Variants in CACNA1B observed in about 807,000 individuals in gnomAD.
CACNA1B encodes voltage-dependent N-type calcium channel subunit alpha-1B.
A neutral mutation model predicts 247.2 loss-of-function variants in CACNA1B; 70 were observed. The ratio of observed to expected loss-of-function variants is 0.28; its 90% CI spans 0.23 to 0.35. The LOEUF (loss-of-function observed/expected upper bound fraction) is 0.35, where lower values mean the gene tolerates loss of function less well. Ranked by LOEUF, CACNA1B falls within the 10% of genes least tolerant of loss-of-function variation. CACNA1B has a pLI of 1.00. For missense variants in CACNA1B, 2,367 were observed against 3,197.4 expected, an observed-to-expected ratio of 0.74 and a Z score of 6.26; for synonymous variants, 1,231 against 1,294.4, an observed-to-expected ratio of 0.95 and a Z score of 1.05.
chr9:138,076,546 C>A (rs746035524), intron 35 of CACNA1B, among the ~76,000 whole-genome samples: 1 of 152,218 alleles, frequency 6.6e-6, no homozygotes, highest in Non-Finnish European at 1.5e-5. Context: ...GCACAAGCTT[C>A]GGGGCCTTCT....
intron 10 of CACNA1B, among the ~76,000 whole-genome samples, chr9:137,968,330 A>G (rs376903510): frequency 6.6e-6 from 1 of 152,350 alleles, no homozygotes; most frequent in Non-Finnish European, 1.5e-5. Flanking sequence ...AGGCTTGCCC[A>G]TAACCCGTGT....
chr9:138,085,354 T>A (rs909407465), intron 36 of CACNA1B, among the ~76,000 whole-genome samples: 3 of 150,742 alleles, frequency 2.0e-5, no homozygotes, highest in Non-Finnish European at 4.4e-5. Flanking sequence ...AAAGAAATAA[T>A]TAAAAAGAGT....
chr9:137,920,266 G>C (rs2133287674), intron 6 of CACNA1B, among the ~76,000 whole-genome samples: 1 of 152,150 alleles, frequency 6.6e-6, no homozygotes, highest in East Asian at 1.9e-4. Flanking sequence ...GCACGATTTT[G>C]GCTCACTGCA....
At chr9:138,098,590 G>A (rs180896456) in intron 37 of CACNA1B, among the ~76,000 whole-genome samples, 378 of 152,280 alleles carry the variant, frequency 2.5e-3, no homozygotes, top group African/African-American at 6.9e-3. Context: ...GTCAGCCGCC[G>A]GCAAGAGCAG....
rs555930547 is a variant in CACNA1B at position 137,982,461 on chromosome 9, T to G, written c.1657-1677T>G. On this transcript the variant is annotated intron_variant, in intron 12 of 46. Transcript: ENST00000371372. The stretch of plus-strand genomic sequence containing the variant: ...ATCTCAGAGGTGACATCCCATCACT[T>G]TTGCTGTATTCTGTTTACTAAGAGT... Among the ~76,000 whole-genome samples the G allele has an allele frequency of 2.6e-5, 4 of 152,300 alleles. 1 individual carries two copies. The highest frequency in any genetic ancestry group is 3.9e-4 in the East Asian group (2 of 5,182).
intron 35 of CACNA1B, among the ~76,000 whole-genome samples, chr9:138,076,157 G>T (rs1214186701): frequency 6.6e-6 from 1 of 152,210 alleles, no homozygotes; most frequent in Non-Finnish European, 1.5e-5. Context: ...CATCCTGGGA[G>T]CCCTGGGCCA....
At chr9:138,076,737 A>G (rs1469410126) in intron 35 of CACNA1B, among the ~76,000 whole-genome samples, 1 of 152,238 alleles carries the variant, frequency 6.6e-6, no homozygotes, top group Non-Finnish European at 1.5e-5. Context: ...AGCCTAGGAC[A>G]GAAGGAAGGA....
chr9:137,883,728 A>G (rs1339465909), intron 3 of CACNA1B, among the ~76,000 whole-genome samples: 1 of 152,210 alleles, frequency 6.6e-6, no homozygotes, highest in African/African-American at 2.4e-5. Flanking sequence ...CTTCAGTGTC[A>G]GAGGCCCTGT....
Position 138,063,813 on chromosome 9 carries a change from G to A in CACNA1B, c.4668+4076G>A, listed in dbSNP as rs138407028. ...CTGGTGAATTAAATGGGAATGAGGT[G>A]TAGACCAACCACCCCTTTATCTTTT... On this transcript the variant is annotated intron_variant, in intron 31 of 46. Coordinates refer to ENST00000371372, the MANE Select transcript of CACNA1B (RefSeq NM_000718.4). Among the ~76,000 whole-genome samples the A allele has an allele frequency of 7.2e-4, 110 of 152,362 alleles. No individual in the cohort carries two copies. The East Asian group carries it at 8.3e-3, about 11-fold the overall frequency.
chr9:137,922,175 C>T (rs577696917), intron 6 of CACNA1B, among the ~76,000 whole-genome samples: 1 of 144,724 alleles, frequency 6.9e-6, no homozygotes, highest in East Asian at 2.0e-4. Flanking sequence ...CACCGCACAG[C>T]ATCCTGGGAG....
chr9:137,987,269 G>A (rs865967460), intron 15 of CACNA1B, among the ~76,000 whole-genome samples: 1 of 152,040 alleles, frequency 6.6e-6, no homozygotes, highest in South Asian at 2.1e-4. Context: ...GTTCTCATCT[G>A]TATCTGGAAA....
intron 31 of CACNA1B, among the ~76,000 whole-genome samples, chr9:138,065,334 T>C (rs1199074586): frequency 2.6e-5 from 4 of 151,776 alleles, no homozygotes; most frequent in Non-Finnish European, 4.4e-5. Flanking sequence ...AAAACTCGAG[T>C]TGTGGGTCTA....
At chr9:138,027,252 AT>A (rs1284395237) in intron 20 of CACNA1B, among the ~76,000 whole-genome samples, 1 of 152,020 alleles carries the variant, frequency 6.6e-6, no homozygotes, top group Non-Finnish European at 1.5e-5. Flanking sequence ...GGTGTTTTCG[AT>A]TGCTAAAAAC....
chr9:138,029,642 G>A (rs1399105860), intron 20 of CACNA1B, among the ~76,000 whole-genome samples: 2 of 133,666 alleles, frequency 1.5e-5, no homozygotes, highest in African/African-American at 2.9e-5. Flanking sequence ...ACAGGGTCTC[G>A]CTCTGTCGCC....
At position 138,105,588 on chromosome 9, in the gene CACNA1B, C is replaced by G. The variant is rs904687919; in HGVS notation, c.5320-111C>G. The G allele has an allele frequency of 6.1e-6, 4 of 658,220 alleles. No individual in the cohort carries two copies. In the African/African-American group the frequency reaches 7.1e-5, roughly 12 times the overall value. The allele number at this position is 658,220 out of a possible 1,614,324, so 40.8% of individuals were successfully genotyped here. On this transcript the variant is annotated intron_variant, in intron 38 of 46. Transcript: ENST00000371372. ...TCACTCAGGCCTAGGCACCTGCAGGCACCACCACTGGGATGCCCAGCCCAG... is the reference window on the plus strand; with the variant it reads ...TCACTCAGGCCTAGGCACCTGCAGGGACCACCACTGGGATGCCCAGCCCAG...
At chr9:137,937,986 GA>G (rs1957689730) in intron 6 of CACNA1B, among the ~76,000 whole-genome samples, 1 of 121,052 alleles carries the variant, frequency 8.3e-6, no homozygotes, top group African/African-American at 3.4e-5. Flanking sequence ...AAAGACAAAG[GA>G]AAGACTCTTA....
intron 36 of CACNA1B, among the ~76,000 whole-genome samples, chr9:138,082,477 C>G (rs780773661): frequency 6.6e-6 from 1 of 151,272 alleles, no homozygotes; most frequent in Non-Finnish European, 1.5e-5. Context: ...TACAGCTTAG[C>G]GTTTGCCTTA....
At chr9:138,107,253 T>C (rs537260244) in intron 39 of CACNA1B, among the ~76,000 whole-genome samples, 23 of 103,558 alleles carry the variant, frequency 2.2e-4, no homozygotes, top group South Asian at 8.4e-4. Flanking sequence ...TTTATTTATT[T>C]ATTTATTTAT....
chr9:138,028,383 G>A (rs1034911096), intron 20 of CACNA1B, among the ~76,000 whole-genome samples: 4 of 152,034 alleles, frequency 2.6e-5, no homozygotes, highest in South Asian at 2.1e-4. Context: ...ATTCCTAACC[G>A]ATTTTGTAAA....
Sources: gnomAD v4.1 joint callset for allele counts (sites outside exome capture counted in the v4.1 genomes callset) on GRCh38, gnomAD v4.1.1 for gene constraint, MANE v1.5 for transcripts, NCBI Gene and HGNC (gene_info 2026-07-23, HGNC 2026-07-21) for gene names.